HSD17B14: variants seen among roughly 807,000 people sequenced by gnomAD.
The protein encoded by HSD17B14 is hydroxysteroid 17-beta dehydrogenase 14.
In HSD17B14, 32 loss-of-function variants were observed where a neutral mutation model predicts 32.2. The observed-to-expected ratio is 0.99, with a 90% CI of 0.75 to 1.33. HSD17B14 has a LOEUF of 1.33. Ranked by LOEUF, HSD17B14 falls within the 40% of genes most tolerant of loss-of-function variation. HSD17B14 has a pLI of 0.00. For missense variants in HSD17B14, 370 were observed against 366.5 expected (o/e 1.01, Z -0.08); for synonymous variants, 140 against 155.4 (o/e 0.90, Z 0.74).
chr19:48,828,133 C>A (rs776220953), intron 5 of HSD17B14, among the ~76,000 whole-genome samples: 21 of 152,198 alleles, frequency 1.4e-4, no homozygotes. Context: ...GGATTACAGG[C>A]ATGAGGTGCC....
At chr19:48,821,346 C>T (rs1413410273) in intron 5 of HSD17B14, among the ~76,000 whole-genome samples, 3 of 152,186 alleles carry the variant, frequency 2.0e-5, no homozygotes, top group Non-Finnish European at 4.4e-5. Context: ...AACAATCCAG[C>T]TCTGAGAGAC....
intron 3 of HSD17B14, 100 bp downstream of exon 3, chr19:48,834,176 A>G: frequency 1.1e-6 from 1 of 934,270 alleles, no homozygotes; most frequent in Non-Finnish European, 1.7e-6. Context: ...GAGCCAGGAG[A>G]GGAAGGAAAA....
intron 4 of HSD17B14, among the ~76,000 whole-genome samples, 180 bp from the exon 5 acceptor site, chr19:48,831,939 G>A (rs2035343974): frequency 6.6e-6 from 1 of 151,604 alleles, no homozygotes; most frequent in African/African-American, 2.4e-5. Context: ...TTAGCTGGGT[G>A]TGGTGGCGGG....
At chr19:48,814,900 G>A (rs2035025509) in intron 6 of HSD17B14, 137 bp downstream of exon 6, 1 of 617,094 alleles carries the variant, frequency 1.6e-6, no homozygotes, top group South Asian at 1.9e-5. Flanking sequence ...TTATGCCTGG[G>A]TGCTGCATCT....
chr19:48,835,308 G>C (rs2035464610), intron 2 of HSD17B14, among the ~76,000 whole-genome samples: 2 of 102,720 alleles, frequency 1.9e-5, no homozygotes, highest in African/African-American at 5.2e-5. Context: ...TGGGGGCCTG[G>C]ACTCCTGGGT....
chr19:48,833,681 C>T (rs939703890), intron 3 of HSD17B14, among the ~76,000 whole-genome samples: 1 of 152,068 alleles, frequency 6.6e-6, no homozygotes, highest in East Asian at 1.9e-4. Context: ...ACAAAATTAG[C>T]CAGGTGTGGT....
At chr19:48,820,496 G>C (rs1425968149) in intron 5 of HSD17B14, among the ~76,000 whole-genome samples, 1 of 151,310 alleles carries the variant, frequency 6.6e-6, no homozygotes, top group Non-Finnish European at 1.5e-5. Context: ...TGCCTGGCTT[G>C]GTCAGTACTT....
At chr19:48,825,978 G>C (rs1201060436) in intron 5 of HSD17B14, among the ~76,000 whole-genome samples, 1 of 151,884 alleles carries the variant, frequency 6.6e-6, no homozygotes, top group Admixed American at 6.6e-5. Flanking sequence ...CCGCCACCGC[G>C]CACAGCTATT....
intron 5 of HSD17B14, among the ~76,000 whole-genome samples, chr19:48,822,489 T>C (rs1349726319): frequency 6.6e-6 from 1 of 151,348 alleles, no homozygotes; most frequent in Non-Finnish European, 1.5e-5. Context: ...GTAATGGTGA[T>C]GGTGATGATT....
chr19:48,816,435 C>G (rs887391553), intron 5 of HSD17B14, among the ~76,000 whole-genome samples: 2 of 152,178 alleles, frequency 1.3e-5, no homozygotes, highest in Non-Finnish European at 2.9e-5. Flanking sequence ...ACTTGCTGTT[C>G]CCTCTGCCTG....
At chr19:48,814,901 T>G in intron 6 of HSD17B14, 136 bp downstream of exon 6, 1 of 604,780 alleles carries the variant, frequency 1.7e-6, no homozygotes, top group South Asian at 2.0e-5. Context: ...TATGCCTGGG[T>G]GCTGCATCTG....
intron 5 of HSD17B14, among the ~76,000 whole-genome samples, chr19:48,828,341 A>T (rs1235654274): frequency 6.6e-6 from 1 of 152,162 alleles, no homozygotes; most frequent in Non-Finnish European, 1.5e-5. Flanking sequence ...TCCAGAAACC[A>T]AGTAGCCTCA....
Position 48,815,024 on chromosome 19 carries a change from G to C in HSD17B14, c.474+13C>G. 1.3e-6 allele frequency: 2 copies of C among 1,599,240 alleles called. No individual in the cohort carries two copies. Among genetic ancestry groups the C allele is most frequent in the South Asian group, 1.1e-5 (1 of 90,788 alleles). On this transcript the variant is annotated intron_variant, in intron 6 of 8. Transcript: ENST00000263278. The stretch of plus-strand genomic sequence containing the variant: ...GGAGTAGGGAGGGAAGGAAGGGGTA[G>C]GGGCTGCCATACCTTGGTGGCCACA...
chr19:48,834,453 G>A (rs1285428775), intron 2 of HSD17B14, 95 bp from the exon 3 acceptor site: 23 of 649,900 alleles, frequency 3.5e-5, no homozygotes, highest in Admixed American at 2.1e-4. Context: ...GGAGGTGCTG[G>A]GGGCCTGGAC....
intron 5 of HSD17B14, among the ~76,000 whole-genome samples, chr19:48,822,805 T>A (rs2035183189): frequency 6.6e-6 from 1 of 151,698 alleles, no homozygotes; most frequent in South Asian, 2.1e-4. Context: ...ACGATGATGA[T>A]GGTGAGGTTG....
chr19:48,834,450 C>A (rs879191915), intron 2 of HSD17B14, 92 bp from the exon 3 acceptor site: 95 of 647,310 alleles, frequency 1.5e-4, no homozygotes, highest in African/African-American at 7.2e-4. Context: ...GGAGGAGGTG[C>A]TGGGGGCCTG....
Position 48,832,240 on chromosome 19 carries a change from G to T in HSD17B14, c.277+426C>A, listed in dbSNP as rs1006422368. Among the ~76,000 whole-genome samples the T allele has an allele frequency of 7.3e-5, 11 of 151,272 alleles. No homozygotes were observed. In the East Asian group the frequency reaches 1.2e-3, roughly 16 times the overall value. On this transcript the variant is annotated intron_variant, in intron 4 of 8. Coordinates refer to ENST00000263278, the MANE Select transcript of HSD17B14 (RefSeq NM_016246.3). ...CTAAAAATATAAAAATTAGCCTGGC[G>T]TGCTGGTGGGCGCCTGTAATCCCAG...
Position 48,834,326 on chromosome 19 carries a change from GGAGCTCCTGCTCCA to G in HSD17B14, c.146_159del (p.Leu49ProfsTer9). 1 of 1,614,050 alleles carries G rather than the reference GGAGCTCCTGCTCCA, an allele frequency of 6.2e-7. No individual in the cohort carries two copies. Among genetic ancestry groups the G allele is most frequent in the Non-Finnish European group, 8.5e-7 (1 of 1,179,964 alleles). ...TCACAGAGGATAAAGACAGCTCCAG[GGAGCTCCTGCTCCA>G]GGGCCCGGCCCCCAGACTCTGCAGG... On this transcript the variant is annotated frameshift_variant, in exon 3 of 9. Transcript: ENST00000263278. LOFTEE classifies it high-confidence loss of function.
intron 5 of HSD17B14, among the ~76,000 whole-genome samples, chr19:48,816,810 T>TCTTTCTTTCTTTCTTTC: frequency 1.2e-5 from 1 of 86,370 alleles, no homozygotes; most frequent in East Asian, 2.8e-4. Context: ...TTTCTTTCTT[T>TCTTTCTTTCTTTCTTTC]CTTTCTTTCT....
Sources: allele counts gnomAD v4.1 joint callset (sites outside exome capture counted in the v4.1 genomes callset), GRCh38; gene constraint gnomAD v4.1.1; transcripts MANE v1.5; gene names NCBI Gene and HGNC (gene_info 2026-07-23, HGNC 2026-07-21).